Variants in RPS4X observed in about 807,000 individuals in gnomAD.
RPS4X encodes the protein small ribosomal subunit protein eS4, X isoform.
For synonymous variants in RPS4X, 76 were observed against 76.8 expected (o/e 0.99, Z 0.06); for missense variants, 90 against 219.1 (o/e 0.41, Z 3.72).
chrX:72,274,871 A>T, intron 4 of RPS4X, 182 bp downstream of exon 4: 2 of 406,989 alleles, frequency 4.9e-6, no homozygotes, highest in Non-Finnish European at 8.8e-6. Flanking sequence ...CAGACTTTTA[A>T]TAACATGACA....
Position 72,276,196 on chromosome X carries a change from A to G in RPS4X, c.42T>C (p.Ala14=). 1 of 1,210,532 alleles carries G rather than the reference A, an allele frequency of 8.3e-7. No homozygotes were observed. The highest frequency in any genetic ancestry group is 1.1e-6 in the Non-Finnish European group (1 of 894,577). ...ATTTATCCAGCATCCAATGCTTTGGAGCTGCCACCCGCTTCAGATGCTTCT... is the reference window on the plus strand; with the variant it reads ...ATTTATCCAGCATCCAATGCTTTGGGGCTGCCACCCGCTTCAGATGCTTCT... The part of the protein sequence containing the change: ...GPKKHLKRVA[A]PKHWMLDKLT... Residue 14 remains alanine (A), a synonymous_variant, in exon 2 of 7, where the codon GCT becomes GCC. Transcript: ENST00000316084.
intron 4 of RPS4X, 79 bp from the exon 5 acceptor site, chrX:72,274,051 C>G: frequency 5.9e-6 from 5 of 851,073 alleles, no homozygotes; most frequent in Non-Finnish European, 8.6e-6. Flanking sequence ...CATGGGTTCC[C>G]TAACTGCTGC....
rs1602469154 is a variant in RPS4X, at chrX:72,274,108, T to C, written c.361-136A>G. On this transcript the variant is annotated intron_variant, in intron 4 of 6. Coordinates refer to ENST00000316084, the MANE Select transcript of RPS4X (RefSeq NM_001007.5). ...GTTCTTTCCACCCTCAAGTGTATGT[T>C]GCATAAAGCCCTTCTCTAGGCTCGT... The C allele has an allele frequency of 9.1e-6, 5 of 548,557 alleles. No homozygotes were observed. The South Asian group carries it at 1.1e-4, about 12-fold the overall frequency. 45.2% of individuals were successfully genotyped at this position (548,557 alleles called of 1,213,427 possible). A position where few individuals can be genotyped will look rare whatever the true frequency, so the allele number is the denominator to read the frequency against.
intron 1 of RPS4X, 23 bp downstream of exon 1, chrX:72,277,170 A>G: frequency 8.3e-7 from 1 of 1,210,053 alleles, no homozygotes; most frequent in Non-Finnish European, 1.1e-6. Flanking sequence ...ACGTCCTAAG[A>G]GCTCGCTAAC....
At chrX:72,276,282 T>C in intron 1 of RPS4X, 48 bp from the exon 2 acceptor site, 3 of 986,612 alleles carry the variant, frequency 3.0e-6, no homozygotes, top group Non-Finnish European at 4.3e-6. Flanking sequence ...CAGAACAGCT[T>C]ATAAAACCTA....
At position 72,272,696 on chromosome X, in the gene RPS4X, A is replaced by G; in HGVS notation, c.767T>C (p.Leu256Pro). 2 of 1,210,065 alleles carry G rather than the reference A, an allele frequency of 1.7e-6. No individual in the cohort carries two copies. The highest frequency in any genetic ancestry group is 2.2e-6 in the Non-Finnish European group (2 of 894,127). Reference protein sequence around the residue: ...LTIAEERDKRLAAKQSSG With the variant: ...LTIAEERDKRPAAKQSSG The stretch of plus-strand genomic sequence containing the variant: ...TCACCCACTGCTCTGTTTGGCCGCC[A>G]GTCTTTTGTCTCTCTCTTCAGCAAT... The change falls in exon 7 of 7, where the codon CTG (leucine) becomes CCG (proline). Residue 256 changes from leucine (L) to proline (P), a missense_variant. Physicochemically the swap from Leu to Pro is moderately conservative, Grantham distance 98. Transcript: ENST00000316084.
rs149508547 is a variant in RPS4X, at chrX:72,275,170, G to A, written c.263-20C>T. On this transcript the variant is annotated intron_variant, in intron 3 of 6. Transcript: ENST00000316084. ...TGACATCTGAAATCAAGCAGTAACC[G>A]GTTACTACATACAGTGATCCCCACT... The A allele has an allele frequency of 1.4e-5, 15 of 1,063,481 alleles. No homozygotes were observed. Among genetic ancestry groups the A allele is most frequent in the East Asian group, 3.0e-5 (1 of 32,991 alleles). The allele number at this position is 1,063,481 out of a possible 1,213,427, so 87.6% of individuals were successfully genotyped here. A position where few individuals can be genotyped will look rare whatever the true frequency, so the allele number is the denominator to read the frequency against.
At chrX:72,274,985 A>T in intron 4 of RPS4X, 68 bp downstream of exon 4, 1 of 672,020 alleles carries the variant, frequency 1.5e-6, no homozygotes, top group Non-Finnish European at 2.4e-6. Context: ...CAGCACTCGT[A>T]CTCAATGCAG....
chrX:72,272,581 AAAAC>A lies in RPS4X; in HGVS notation c.*86_*89del. Reference sequence around the variant, plus strand: ...ATAGCAGGAAACTGAATTAAAAAAAAAAACAACCCACAAAACCAAAATGCTATTA... The same window carrying A: ...ATAGCAGGAAACTGAATTAAAAAAAAAACCCACAAAACCAAAATGCTATTA... On this transcript the variant is annotated 3_prime_UTR_variant, in exon 7 of 7. Coordinates refer to ENST00000316084, the MANE Select transcript of RPS4X (RefSeq NM_001007.5). 1 of 581,438 alleles carries A rather than the reference AAAAC, an allele frequency of 1.7e-6. No individual in the cohort carries two copies. The highest frequency in any genetic ancestry group is 2.8e-6 in the Non-Finnish European group (1 of 361,608). The allele number at this position is 581,438 out of a possible 1,213,427, so 47.9% of individuals were successfully genotyped here.
At chrX:72,276,901 T>C (rs1004445758) in intron 1 of RPS4X, among the ~76,000 whole-genome samples, 4 of 112,568 alleles carry the variant, frequency 3.6e-5, no homozygotes, top group African/African-American at 1.3e-4. Context: ...TCTGAGCTCC[T>C]GGCCCAGCCG....
At chrX:72,276,007 G>A (rs886303010) in intron 2 of RPS4X, 150 bp downstream of exon 2, 1 of 506,932 alleles carries the variant, frequency 2.0e-6, no homozygotes, top group African/African-American at 2.4e-5. Flanking sequence ...ATATTAAATC[G>A]ATTGGAAGTG....
In RPS4X at chrX:72,277,216, G is replaced by A. The variant is rs373689102; in HGVS notation, c.-21C>T. On this transcript the variant is annotated 5_prime_UTR_variant, in exon 1 of 7. Coordinates refer to ENST00000316084, the MANE Select transcript of RPS4X (RefSeq NM_001007.5). The stretch of plus-strand genomic sequence containing the variant: ...ACCATGGCTGCGTTAGGCAAGGAAA[G>A]AGGACCTCCGTCTTCCGGTGCGCGT... The A allele has an allele frequency of 2.7e-5, 33 of 1,208,309 alleles. No individual in the cohort carries two copies. Among genetic ancestry groups the A allele is most frequent in the African/African-American group, 3.5e-5 (2 of 57,472 alleles).
At chrX:72,273,694 C>G (rs991391657) in intron 5 of RPS4X, 107 bp downstream of exon 5, 2 of 652,441 alleles carry the variant, frequency 3.1e-6, no homozygotes, top group African/African-American at 4.4e-5. Context: ...ATAAACACAC[C>G]TGGGCGATTG....
At chrX:72,276,274 G>C in intron 1 of RPS4X, 40 bp from the exon 2 acceptor site, 1 of 1,050,610 alleles carries the variant, frequency 9.5e-7, no homozygotes, top group South Asian at 2.0e-5. Context: ...TCAGGTTTCA[G>C]AACAGCTTAT....
chrX:72,275,810 C>CACCA, intron 2 of RPS4X, 86 bp from the exon 3 acceptor site: 3 of 813,022 alleles, frequency 3.7e-6, no homozygotes, highest in African/African-American at 2.0e-5. Context: ...ACTAACTGAA[C>CACCA]ACCAAGACCG....
rs1172213445 is a variant in RPS4X at position 72,277,176 on chromosome X, C to G, written c.3+17G>C. Reference sequence around the variant, plus strand: ...GAGGCGGATACGTCCTAAGAGCTCGCTAACTAAACGGCTTACCATGGCTGC... The same window carrying G: ...GAGGCGGATACGTCCTAAGAGCTCGGTAACTAAACGGCTTACCATGGCTGC... On this transcript the variant is annotated intron_variant, in intron 1 of 6. Transcript: ENST00000316084. The G allele has an allele frequency of 3.3e-6, 4 of 1,211,035 alleles. No individual in the cohort carries two copies. In the East Asian group the frequency reaches 8.9e-5, roughly 27 times the overall value.
chrX:72,273,358 G>A lies in RPS4X; in HGVS notation c.564C>T (p.Asn188=). ...TGGTGATCACACCAATTCTTCCTAG[G>A]TTAGCACCTCCAGTCACCATACACA... The part of the protein sequence containing the change: ...GNLCMVTGGA[N]LGRIGVITNR... Residue 188 remains asparagine, a synonymous_variant, in exon 6 of 7, where the codon AAC becomes AAT. Coordinates refer to ENST00000316084, the MANE Select transcript of RPS4X (RefSeq NM_001007.5). 1 of 1,208,365 alleles carries A rather than the reference G, an allele frequency of 8.3e-7. No homozygotes were observed. Among genetic ancestry groups the A allele is most frequent in the South Asian group, 1.8e-5 (1 of 56,266 alleles).
chrX:72,275,523 A>T (rs1358064927), intron 3 of RPS4X, 21 bp downstream of exon 3: 1 of 1,078,938 alleles, frequency 9.3e-7, no homozygotes, highest in South Asian at 1.9e-5. Context: ...ATGCGTCTCC[A>T]GAGTATTTAA....
rs755807702 is a variant in RPS4X, at chrX:72,275,768, C to T, written c.82-44G>A. Reference sequence around the variant, plus strand: ...TAATCACTGTTGGGATTCACTAAAGCACTCAAACCTACCTCCTAGTCCACC... The same window carrying T: ...TAATCACTGTTGGGATTCACTAAAGTACTCAAACCTACCTCCTAGTCCACC... On this transcript the variant is annotated intron_variant, in intron 2 of 6. Transcript: ENST00000316084. 120 of 1,050,225 alleles carry T rather than the reference C, an allele frequency of 1.1e-4. No homozygotes were observed. In the African/African-American group the frequency reaches 1.4e-3, roughly 12 times the overall value. The allele number at this position is 1,050,225 out of a possible 1,213,427, so 86.6% of individuals were successfully genotyped here.
Sources: gnomAD v4.1 joint callset for allele counts (sites outside exome capture counted in the v4.1 genomes callset) on GRCh38, gnomAD v4.1.1 for gene constraint, MANE v1.5 for transcripts, NCBI Gene and HGNC (gene_info 2026-07-23, HGNC 2026-07-21) for gene names.